The following IL12A variants were observed in gnomAD, a reference collection of about 807,000 sequenced individuals.
The protein encoded by IL12A is interleukin 12A, also known as interleukin-12 subunit alpha.
A neutral mutation model predicts 23.5 loss-of-function variants in IL12A; 16 were observed. That is an observed-to-expected ratio of 0.68 (90% CI 0.46 to 1.03). The LOEUF (loss-of-function observed/expected upper bound fraction) is 1.03, where lower values mean the gene tolerates loss of function less well. Ranked by LOEUF, IL12A falls within the 50% of genes least tolerant of loss-of-function variation. IL12A has a pLI of 0.00. For synonymous variants in IL12A, 106 were observed against 111.5 expected, an observed-to-expected ratio of 0.95 and a Z score of 0.31; for missense variants, 275 against 307.0, an observed-to-expected ratio of 0.90 and a Z score of 0.78.
chr3:159,993,838 G>A lies in IL12A; in HGVS notation c.600G>A (p.Leu200=). ...ACATGCTGGCAGTTATTGATGAGCT[G>A]ATGCAGGTAAGACTTCATTCTATCA... Residue 200 remains leucine, a synonymous_variant, in exon 6 of 7, where the codon CTG becomes CTA. Coordinates refer to ENST00000305579, the MANE Select transcript of IL12A (RefSeq NM_000882.4). 1.2e-6 allele frequency: 2 copies of A among 1,614,080 alleles called. No homozygotes were observed. Among genetic ancestry groups the A allele is most frequent in the Non-Finnish European group, 1.7e-6 (2 of 1,179,980 alleles).
chr3:159,991,663 A>T (rs1333071649), intron 2 of IL12A, among the ~76,000 whole-genome samples: 2 of 152,242 alleles, frequency 1.3e-5, no homozygotes, highest in African/African-American at 4.8e-5. Context: ...AGCTCTGGGC[A>T]TCAGAAGTCC....
chr3:159,994,451 C>T (rs1273697579), intron 6 of IL12A: 1 of 152,350 alleles, frequency 6.6e-6, no homozygotes, highest in Non-Finnish European at 1.5e-5. Context: ...ATCACCATAA[C>T]ACAGATGCTA....
rs1384915674 is a variant in IL12A at position 159,990,266 on chromosome 3, A to G, written c.218A>G (p.His73Arg). ...GACCCAGGAATGTTCCCATGCCTTC[A>G]CCACTCCCAAAACCTGCTGAGGGCC... Residue 73 changes from histidine (H) to arginine (R), a missense_variant, in exon 2 of 7, where the codon CAC becomes CGC. Transcript: ENST00000305579. The G allele has an allele frequency of 1.9e-6, 3 of 1,614,058 alleles. No homozygotes were observed. The highest frequency in any genetic ancestry group is 2.5e-6 in the Non-Finnish European group (3 of 1,179,990).
Position 159,993,272 on chromosome 3 carries a change from T to A in IL12A, c.378+147T>A, listed in dbSNP as rs1040113569. ...TCAGAAGTTAGATTTGGGAGAAAAATTATTTTTAAAAAATGGTTTTTTTTG... is the reference window on the plus strand; with the variant it reads ...TCAGAAGTTAGATTTGGGAGAAAAAATATTTTTAAAAAATGGTTTTTTTTG... On this transcript the variant is annotated intron_variant, in intron 3 of 6. Transcript: ENST00000305579. The A allele has an allele frequency of 6.0e-5, 44 of 729,914 alleles. No homozygotes were observed. The African/African-American group carries it at 7.0e-4, about 12-fold the overall frequency. 45.2% of individuals were successfully genotyped at this position (729,914 alleles called of 1,614,324 possible). A position where few individuals can be genotyped will look rare whatever the true frequency, so the allele number is the denominator to read the frequency against.
intron 2 of IL12A, among the ~76,000 whole-genome samples, chr3:159,991,518 C>G (rs1475630023): frequency 6.6e-6 from 1 of 152,236 alleles, no homozygotes; most frequent in Non-Finnish European, 1.5e-5. Context: ...ACCTCCAAAT[C>G]TAACTCTTTA....
Position 159,993,505 on chromosome 3 carries a change from A to G in IL12A, c.420+13A>G, listed in dbSNP as rs913028578. On this transcript the variant is annotated intron_variant, in intron 4 of 6. Transcript: ENST00000305579. ...CTCTTTCATAACTGTAAGTCAAAAA[A>G]TGAAAAGTTTCAGCCTGTATGATGA... 1.9e-6 allele frequency: 3 copies of G among 1,613,842 alleles called. No individual in the cohort carries two copies. The African/African-American group carries it at 4.0e-5, about 22-fold the overall frequency.
Position 159,989,189 on chromosome 3 carries a change from C to T in IL12A, c.118+15C>T, listed in dbSNP as rs374402488. 63 of 1,603,534 alleles carry T rather than the reference C, an allele frequency of 3.9e-5. No homozygotes were observed. Among genetic ancestry groups the T allele is most frequent in the Non-Finnish European group, 5.2e-5 (61 of 1,173,052 alleles). ...TCCAGCGCGCAGTGAGTACTCAGCC[C>T]GCCAGGTCTTTGGCTCGCTCGGGTG... On this transcript the variant is annotated intron_variant, in intron 1 of 6. Coordinates refer to ENST00000305579, the MANE Select transcript of IL12A (RefSeq NM_000882.4).
At chr3:159,990,385 G>A in intron 2 of IL12A, 73 bp downstream of exon 2, 1 of 1,446,734 alleles carries the variant, frequency 6.9e-7, no homozygotes, top group South Asian at 1.3e-5. Context: ...CCTCCCCTCT[G>A]GTACCTGATG....
chr3:159,990,793 G>C (rs1019514560), intron 2 of IL12A, among the ~76,000 whole-genome samples: 5 of 152,148 alleles, frequency 3.3e-5, no homozygotes, highest in African/African-American at 1.2e-4. Flanking sequence ...ATCTCAGGGA[G>C]GACTATGACA....
In IL12A at chr3:159,993,120, A is replaced by G; in HGVS notation, c.373A>G (p.Thr125Ala). 6.6e-7 allele frequency: 1 copy of G among 1,521,056 alleles called. No homozygotes were observed. The highest frequency in any genetic ancestry group is 9.1e-7 in the Non-Finnish European group (1 of 1,095,854). The allele number at this position is 1,521,056 out of a possible 1,614,324, so 94.2% of individuals were successfully genotyped here. A position where few individuals can be genotyped will look rare whatever the true frequency, so the allele number is the denominator to read the frequency against. Residue 125 changes from threonine (T) to alanine (A), a missense_variant, in exon 3 of 7, where the codon ACC becomes GCC. Transcript: ENST00000305579. ...GGAGGCCTGTTTACCATTGGAATTA[A>G]CCAAGGTATAAAGGATTTTCCTCCC...
chr3:159,994,288 G>C (rs1720420080), intron 6 of IL12A: 1 of 155,952 alleles, frequency 6.4e-6, no homozygotes, highest in Non-Finnish European at 1.4e-5. Context: ...GGGCCAGTTT[G>C]CATATCTGCA....
intron 6 of IL12A, among the ~76,000 whole-genome samples, 190 bp downstream of exon 6, chr3:159,994,034 AG>A (rs1158803804): frequency 6.6e-6 from 1 of 152,210 alleles, no homozygotes; most frequent in Non-Finnish European, 1.5e-5. Flanking sequence ...CATTATGAAA[AG>A]CAGACTCCAA....
chr3:159,990,058 G>A (rs1170346114), intron 1 of IL12A, 109 bp from the exon 2 acceptor site: 9 of 1,080,894 alleles, frequency 8.3e-6, no homozygotes, highest in African/African-American at 1.6e-5. Context: ...GGTTGAGGGA[G>A]GTGGGTGCCA....
chr3:159,995,322 G>A (rs1447939298), intron 6 of IL12A, 82 bp from the exon 7 acceptor site: 3 of 1,168,248 alleles, frequency 2.6e-6, no homozygotes, highest in Non-Finnish European at 3.6e-6. Context: ...TCTGAGACAT[G>A]TACTGGCTTC....
In IL12A at chr3:159,995,514, G is replaced by A. The variant is rs778010501; in HGVS notation, c.717G>A (p.Arg239=). The A allele has an allele frequency of 1.2e-6, 2 of 1,609,064 alleles. No homozygotes were observed. Among genetic ancestry groups the A allele is most frequent in the African/African-American group, 1.3e-5 (1 of 74,772 alleles). ...TACTTCTTCATGCTTTCAGAATTCGGGCAGTGACTATTGATAGAGTGATGA... is the reference window on the plus strand; with the variant it reads ...TACTTCTTCATGCTTTCAGAATTCGAGCAGTGACTATTGATAGAGTGATGA... Residue 239 remains arginine, a synonymous_variant, in exon 7 of 7, where the codon CGG becomes CGA. Transcript: ENST00000305579.
rs775946182 is a variant in IL12A, at chr3:159,993,557, T to G, written c.421-11T>G. The G allele has an allele frequency of 6.2e-7, 1 of 1,614,174 alleles. No individual in the cohort carries two copies. The highest frequency in any genetic ancestry group is 1.7e-5 in the Admixed American group (1 of 60,026). On this transcript the variant is annotated splice_polypyrimidine_tract_variant and intron_variant, in intron 4 of 6. Transcript: ENST00000305579. ...TTCATATCACTGATGTCTGATTATT[T>G]TTTCCTCTAGAATGGGAGTTGCCTG...
rs372995548 is a variant in IL12A, at chr3:159,994,479, A to G, written c.606+635A>G. Reference sequence around the variant, plus strand: ...AGATGCTAATATAAAACAAATATTTATATAAGCGAGGGTGACTGCTTTGGT... The same window carrying G: ...AGATGCTAATATAAAACAAATATTTGTATAAGCGAGGGTGACTGCTTTGGT... On this transcript the variant is annotated intron_variant, in intron 6 of 6. Coordinates refer to ENST00000305579, the MANE Select transcript of IL12A (RefSeq NM_000882.4). Among the ~76,000 whole-genome samples, 13 of 152,314 alleles carry G rather than the reference A, an allele frequency of 8.5e-5. No individual in the cohort carries two copies. The South Asian group carries it at 2.5e-3, about 29-fold the overall frequency.
intron 1 of IL12A, chr3:159,989,395 T>C: frequency 1.8e-6 from 1 of 559,658 alleles, no homozygotes; most frequent in Non-Finnish European, 3.1e-6. Flanking sequence ...GCCCACTTCG[T>C]AGAGGAGAAA....
In IL12A at chr3:159,993,860, A is replaced by T; in HGVS notation, c.606+16A>T. On this transcript the variant is annotated intron_variant, in intron 6 of 6. Coordinates refer to ENST00000305579, the MANE Select transcript of IL12A (RefSeq NM_000882.4). ...GCTGATGCAGGTAAGACTTCATTCT[A>T]TCAGTGAGAGCACCTTTTTCATGCT... 1 of 1,613,266 alleles carries T rather than the reference A, an allele frequency of 6.2e-7. No individual in the cohort carries two copies. Among genetic ancestry groups the T allele is most frequent in the Non-Finnish European group, 8.5e-7 (1 of 1,179,332 alleles).
Sources: gnomAD v4.1 joint callset for allele counts (sites outside exome capture counted in the v4.1 genomes callset) on GRCh38, gnomAD v4.1.1 for gene constraint, MANE v1.5 for transcripts, NCBI Gene and HGNC (gene_info 2026-07-23, HGNC 2026-07-21) for gene names.